Variants in PRKG1 observed in about 807,000 individuals in gnomAD.
The protein encoded by PRKG1 is cGMP-dependent protein kinase 1.
A neutral mutation model predicts 88.1 loss-of-function variants in PRKG1; 35 were observed. The ratio of observed to expected loss-of-function variants is 0.40; its 90% confidence interval spans 0.30 to 0.53. PRKG1 has a LOEUF of 0.53. Among genes scored for constraint, PRKG1 ranks in the 20% least tolerant of loss-of-function variants. The pLI is 0.59. For synonymous variants in PRKG1, 303 were observed against 292.5 expected (o/e 1.04, Z -0.37); for missense variants, 540 against 839.8 (o/e 0.64, Z 4.41).
At chr10:51,849,611 G>GT (rs1485218447) in intron 4 of PRKG1, among the ~76,000 whole-genome samples, 5 of 152,082 alleles carry the variant, frequency 3.3e-5, no homozygotes, top group African/African-American at 1.2e-4. Flanking sequence ...TTCCAGCCTT[G>GT]TTTTGCACTC....
intron 2 of PRKG1, among the ~76,000 whole-genome samples, chr10:51,246,475 A>G (rs1589276045): frequency 6.6e-6 from 1 of 152,082 alleles, no homozygotes; most frequent in East Asian, 1.9e-4. Context: ...ATTGTCTGTG[A>G]CTACTTCCAT....
rs1432509410 is a variant in PRKG1 at position 52,296,265 on chromosome 10, C to T, written c.*2365C>T. The T allele has an allele frequency of 6.6e-6, 1 of 151,958 alleles. No individual in the cohort carries two copies. The highest frequency in any genetic ancestry group is 2.4e-5 in the African/African-American group (1 of 41,400). 9.4% of individuals were successfully genotyped at this position (151,958 alleles called of 1,614,324 possible). A position where few individuals can be genotyped will look rare whatever the true frequency, so the allele number is the denominator to read the frequency against. On this transcript the variant is annotated 3_prime_UTR_variant, in exon 18 of 18. Transcript: ENST00000373980. The stretch of plus-strand genomic sequence containing the variant: ...AACTATGGTTCAAGTCTAAGACAAC[C>T]AATATGAATAAGTTCAATGGAGAAG...
At chr10:51,042,263 G>A (rs549747087) in intron 1 of PRKG1, among the ~76,000 whole-genome samples, 1 of 152,242 alleles carries the variant, frequency 6.6e-6, no homozygotes, top group South Asian at 2.1e-4. Flanking sequence ...ATGCTTTCAC[G>A]CAGTAAAAAT....
intron 7 of PRKG1, among the ~76,000 whole-genome samples, chr10:52,107,064 C>A (rs143106366): frequency 5.6e-4 from 85 of 152,256 alleles, no homozygotes; most frequent in African/African-American, 1.9e-3. Flanking sequence ...GGAGGCAGAT[C>A]AAGTTTCACT....
intron 3 of PRKG1, among the ~76,000 whole-genome samples, chr10:51,735,187 T>C (rs1837232360): frequency 6.6e-6 from 1 of 152,356 alleles, no homozygotes; most frequent in African/African-American, 2.4e-5. Flanking sequence ...GCTATCTTTA[T>C]GTATTGTTTG....
At chr10:51,407,857 G>T (rs778015833) in intron 2 of PRKG1, among the ~76,000 whole-genome samples, 4 of 152,242 alleles carry the variant, frequency 2.6e-5, no homozygotes, top group East Asian at 1.9e-4. Context: ...ATTTCATCTT[G>T]ATAGTCTGGG....
chr10:51,702,994 C>G (rs1245743783), intron 3 of PRKG1, among the ~76,000 whole-genome samples: 2 of 152,168 alleles, frequency 1.3e-5, no homozygotes, highest in Non-Finnish European at 2.9e-5. Flanking sequence ...TGCACCTGGC[C>G]TCAGACTGAT....
intron 3 of PRKG1, among the ~76,000 whole-genome samples, chr10:51,551,554 A>G (rs1837135095): frequency 2.6e-5 from 4 of 151,908 alleles, no homozygotes; most frequent in Admixed American, 2.6e-4. Flanking sequence ...GAGTTATTGG[A>G]CAGGAAGGAA....
At chr10:51,968,868 A>G (rs1318939376) in intron 5 of PRKG1, among the ~76,000 whole-genome samples, 1 of 151,744 alleles carries the variant, frequency 6.6e-6, no homozygotes, top group Non-Finnish European at 1.5e-5. Flanking sequence ...ATAATTAAAA[A>G]TTGTTCATCC....
intron 4 of PRKG1, among the ~76,000 whole-genome samples, chr10:51,879,479 G>C: frequency 6.6e-6 from 1 of 152,296 alleles, no homozygotes; most frequent in South Asian, 2.1e-4. Context: ...AGTGCTGTAA[G>C]AGCCTGAGGC....
intron 7 of PRKG1, among the ~76,000 whole-genome samples, chr10:52,086,176 G>T (rs1846908868): frequency 6.6e-6 from 1 of 152,046 alleles, no homozygotes; most frequent in Non-Finnish European, 1.5e-5. Context: ...TTTACTCAGA[G>T]ATCATTCCCT....
At chr10:52,149,590 C>T (rs1837843289) in intron 8 of PRKG1, among the ~76,000 whole-genome samples, 1 of 152,038 alleles carries the variant, frequency 6.6e-6, no homozygotes, top group African/African-American at 2.4e-5. Context: ...AGAGGAAAGG[C>T]CATGTGAGGA....
At chr10:52,128,423 T>A in intron 7 of PRKG1, 1 of 985,386 alleles carries the variant, frequency 1.0e-6, no homozygotes, top group Middle Eastern at 5.2e-4. Flanking sequence ...GAGAATTGGT[T>A]TAGAACCAGA....
At chr10:51,257,957 TC>T (rs1332990839) in intron 2 of PRKG1, among the ~76,000 whole-genome samples, 1 of 151,986 alleles carries the variant, frequency 6.6e-6, no homozygotes, top group Non-Finnish European at 1.5e-5. Context: ...TTAATATATG[TC>T]CCCTATTGGA....
chr10:51,823,188 G>T (rs1293284713), intron 4 of PRKG1, among the ~76,000 whole-genome samples: 1 of 151,946 alleles, frequency 6.6e-6, no homozygotes, highest in East Asian at 1.9e-4. Flanking sequence ...AGGGTCCTGG[G>T]ACCAAAAAGC....
intron 3 of PRKG1, among the ~76,000 whole-genome samples, chr10:51,800,154 T>C (rs991610425): frequency 2.0e-5 from 3 of 152,048 alleles, no homozygotes; most frequent in Admixed American, 6.6e-5. Flanking sequence ...TTTATAATCA[T>C]AGGAAGAAAT....
intron 2 of PRKG1, among the ~76,000 whole-genome samples, chr10:51,270,040 G>T (rs1440388409): frequency 6.6e-6 from 1 of 152,168 alleles, no homozygotes; most frequent in Non-Finnish European, 1.5e-5. Flanking sequence ...TTGACTGTCT[G>T]TAACCAATAA....
chr10:51,832,091 T>C lies in PRKG1; in HGVS notation c.698+27401T>C, dbSNP rs80309428. 9.4e-4 allele frequency among the ~76,000 whole-genome samples: 143 copies of C among 152,294 alleles called. 2 individuals carry two copies. The East Asian group carries it at 0.025, about 27-fold the overall frequency. On this transcript the variant is annotated intron_variant, in intron 4 of 17. Transcript: ENST00000373980. ...CAGGCATTTTTCAGTTGTTTAAAAA[T>C]AATCAACTGTTTTCTTTTTAAAAAA...
intron 3 of PRKG1, among the ~76,000 whole-genome samples, chr10:51,718,568 A>C (rs552865261): frequency 6.6e-6 from 1 of 152,336 alleles, no homozygotes; most frequent in South Asian, 2.1e-4. Context: ...TATCTTTGAA[A>C]GCATGTTATA....
Sources: gnomAD v4.1 joint callset for allele counts (sites outside exome capture counted in the v4.1 genomes callset) on GRCh38, gnomAD v4.1.1 for gene constraint, MANE v1.5 for transcripts, NCBI Gene and HGNC (gene_info 2026-07-23, HGNC 2026-07-21) for gene names.